The following SOX6 variants were observed in gnomAD, a reference collection of about 807,000 sequenced individuals.
SOX6 encodes SRY-box transcription factor 6.
SOX6 carries 11 observed loss-of-function variants against 97.8 expected under a neutral mutation model. The ratio of observed to expected loss-of-function variants is 0.11; its 90% CI spans 0.07 to 0.19. The LOEUF is 0.19. Among genes scored for constraint, SOX6 ranks in the 10% least tolerant of loss-of-function variants. The probability of loss-of-function intolerance (pLI) is 1.00; values close to 1 mark genes in which losing one functional copy is unlikely to be tolerated. For synonymous variants in SOX6, 360 were observed against 371.4 expected (o/e 0.97, Z 0.35); for missense variants, 810 against 1,039.5 (o/e 0.78, Z 3.04).
chr11:16,508,728 C>T (rs906528094), intron 4 of SOX6, among the ~76,000 whole-genome samples: 4 of 151,922 alleles, frequency 2.6e-5, no homozygotes, highest in African/African-American at 9.7e-5. Flanking sequence ...TTAATGAGTA[C>T]AAACCTATAG....
chr11:16,140,808 G>T (rs568038353), intron 6 of SOX6, among the ~76,000 whole-genome samples: 8 of 152,316 alleles, frequency 5.3e-5, no homozygotes, highest in African/African-American at 1.9e-4. Flanking sequence ...GAATAGTGGA[G>T]AAATGTGTAA....
Position 16,132,391 on chromosome 11 carries a change from AAAGAAAG to A in SOX6, c.778-20475_778-20469del, listed in dbSNP as rs1564972239. 7.6e-4 allele frequency among the ~76,000 whole-genome samples: 67 copies of A among 88,146 alleles called. 2 individuals are homozygous for A. The highest frequency in any genetic ancestry group is 3.2e-3 in the African/African-American group (65 of 20,290). The allele number at this position is 88,146 out of a possible 152,430, so 57.8% of individuals were successfully genotyped here. On this transcript the variant is annotated intron_variant, in intron 6 of 15. Transcript: ENST00000683767. ...GAAAGAAAGAAAGAAAGAAAGAAAG[AAAGAAAG>A]AAAAAAGAAAGAAAGAAAGAAAGAA...
At chr11:16,087,985 G>A (rs1395463422) in intron 9 of SOX6, among the ~76,000 whole-genome samples, 2 of 151,220 alleles carry the variant, frequency 1.3e-5, no homozygotes, top group Non-Finnish European at 2.9e-5. Context: ...ACACCCTTGT[G>A]GGACAGGGTG....
At chr11:16,355,032 A>G (rs1857038656) in intron 1 of SOX6, among the ~76,000 whole-genome samples, 1 of 152,004 alleles carries the variant, frequency 6.6e-6, no homozygotes, top group Non-Finnish European at 1.5e-5. Context: ...TAGAAAATCA[A>G]CTTGAGGAGT....
intron 1 of SOX6, among the ~76,000 whole-genome samples, chr11:16,419,883 GTA>G (rs1179901037): frequency 6.6e-6 from 1 of 152,156 alleles, no homozygotes; most frequent in Non-Finnish European, 1.5e-5. Flanking sequence ...AAGTCAGAGA[GTA>G]TTCCAAACAG....
At chr11:16,287,844 G>A (rs1007868955) in intron 3 of SOX6, among the ~76,000 whole-genome samples, 3 of 152,096 alleles carry the variant, frequency 2.0e-5, no homozygotes, top group Non-Finnish European at 2.9e-5. Context: ...TGGGCCTTGG[G>A]TACCGTCAGG....
chr11:16,498,146 C>T (rs1455251828), intron 4 of SOX6, among the ~76,000 whole-genome samples: 1 of 152,168 alleles, frequency 6.6e-6, no homozygotes, highest in Admixed American at 6.5e-5. Flanking sequence ...AGCCAGAAGA[C>T]AGTGGGGGCC....
At chr11:16,488,968 G>A (rs776934488) in intron 4 of SOX6, among the ~76,000 whole-genome samples, 5 of 152,078 alleles carry the variant, frequency 3.3e-5, no homozygotes, top group East Asian at 3.9e-4. Flanking sequence ...TGCTGACAGA[G>A]CTTTCATTTT....
At chr11:16,438,568 T>C (rs1859434313) in intron 1 of SOX6, among the ~76,000 whole-genome samples, 1 of 152,132 alleles carries the variant, frequency 6.6e-6, no homozygotes, top group Non-Finnish European at 1.5e-5. Flanking sequence ...ATGTTAGGAA[T>C]ACAGGAAATC....
intron 1 of SOX6, among the ~76,000 whole-genome samples, chr11:16,436,799 C>T: frequency 6.6e-6 from 1 of 151,880 alleles, no homozygotes; most frequent in Non-Finnish European, 1.5e-5. Context: ...CTCATTTTAA[C>T]TGTCTGACAT....
At chr11:16,366,193 T>C (rs931989460) in intron 1 of SOX6, among the ~76,000 whole-genome samples, 1 of 152,168 alleles carries the variant, frequency 6.6e-6, no homozygotes, top group African/African-American at 2.4e-5. Context: ...GAATGTCCTT[T>C]GGGATTAGAC....
At chr11:16,160,069 G>A (rs1046359590) in intron 6 of SOX6, among the ~76,000 whole-genome samples, 4 of 152,210 alleles carry the variant, frequency 2.6e-5, no homozygotes, top group East Asian at 1.9e-4. Context: ...TTAATGTAAC[G>A]TACAAGGCTG....
chr11:15,987,721 G>A (rs1426131944), intron 14 of SOX6, among the ~76,000 whole-genome samples: 167 of 136,432 alleles, frequency 1.2e-3, no homozygotes, highest in Non-Finnish European at 9.5e-4. Context: ...CATTTAACTA[G>A]AAAAAAAAAA....
intron 7 of SOX6, among the ~76,000 whole-genome samples, chr11:16,099,048 A>G (rs948669790): frequency 6.6e-6 from 1 of 151,790 alleles, no homozygotes; most frequent in African/African-American, 2.4e-5. Flanking sequence ...ATAATACCTC[A>G]TCAGACCATT....
At position 16,316,074 on chromosome 11, in the gene SOX6, C is replaced by T. The variant is rs1332823125; in HGVS notation, c.445+2372G>A. ...TTTTTGGCAATATTCACTATGCTGA[C>T]CCCATTGCATTTTCTGTCACTTAAA... On this transcript the variant is annotated intron_variant, in intron 3 of 15. Transcript: ENST00000683767. 3 of 150,486 alleles carry T rather than the reference C, an allele frequency of 2.0e-5. No individual in the cohort carries two copies. In the East Asian group the frequency reaches 5.9e-4, roughly 29 times the overall value. The allele number at this position is 150,486 out of a possible 1,614,324, so 9.3% of individuals were successfully genotyped here.
intron 9 of SOX6, among the ~76,000 whole-genome samples, chr11:16,081,089 TA>T (rs906998423): frequency 5.3e-5 from 8 of 151,024 alleles, no homozygotes; most frequent in South Asian, 2.1e-4. Context: ...ATCCCATCTC[TA>T]AAAAAAAATA....
chr11:16,016,230 T>C (rs1854878398), intron 12 of SOX6, among the ~76,000 whole-genome samples: 1 of 152,110 alleles, frequency 6.6e-6, no homozygotes. Flanking sequence ...AATATGATTA[T>C]TTTTGAATAT....
intron 6 of SOX6, among the ~76,000 whole-genome samples, chr11:16,141,045 C>T (rs764533169): frequency 6.6e-6 from 1 of 150,920 alleles, no homozygotes; most frequent in Non-Finnish European, 1.5e-5. Context: ...ACCTGGTGGG[C>T]AGGAGTTGCA....
At chr11:16,196,377 A>C (rs1052387036) in intron 4 of SOX6, among the ~76,000 whole-genome samples, 4 of 152,200 alleles carry the variant, frequency 2.6e-5, no homozygotes, top group Non-Finnish European at 5.9e-5. Flanking sequence ...TGAATGTCCT[A>C]CCTTCTCAAA....
Sources: allele counts gnomAD v4.1 joint callset (sites outside exome capture counted in the v4.1 genomes callset), GRCh38; gene constraint gnomAD v4.1.1; transcripts MANE v1.5; gene names NCBI Gene and HGNC (gene_info 2026-07-23, HGNC 2026-07-21).